The following ATP2C1 variants were observed in gnomAD, a reference collection of about 807,000 sequenced individuals.
ATP2C1 encodes calcium-transporting ATPase type 2C member 1.
ATP2C1 carries 31 observed loss-of-function variants against 120.5 expected under a neutral mutation model. The ratio of observed to expected loss-of-function variants is 0.26; its 90% CI spans 0.19 to 0.35. ATP2C1 has a LOEUF of 0.35. Among genes scored for constraint, ATP2C1 ranks in the 10% least tolerant of loss-of-function variants. The pLI, the probability that ATP2C1 is intolerant of heterozygous loss-of-function variation, is 1.00. For missense variants in ATP2C1, 731 were observed against 1,107.5 expected, an observed-to-expected ratio of 0.66 and a Z score of 4.83; for synonymous variants, 351 against 358.7, an observed-to-expected ratio of 0.98 and a Z score of 0.24.
chr3:130,995,937 G>A lies in ATP2C1; in HGVS notation c.2058-106G>A, dbSNP rs1015446079. ...TGGGATTACAGGCATGAGCCACAGT[G>A]CCCGGTTGGAAATTTATTTTCAAAA... On this transcript the variant is annotated intron_variant, in intron 22 of 27. Transcript: ENST00000510168. The A allele has an allele frequency of 1.0e-4, 84 of 815,068 alleles. No individual in the cohort carries two copies. The Admixed American group carries it at 1.5e-3, about 15-fold the overall frequency. The allele number at this position is 815,068 out of a possible 1,614,324, so 50.5% of individuals were successfully genotyped here.
At chr3:130,853,404 T>C (rs892983528) in intron 1 of ATP2C1, among the ~76,000 whole-genome samples, 19 of 152,234 alleles carry the variant, frequency 1.2e-4, no homozygotes, top group Non-Finnish European at 2.6e-4. Flanking sequence ...TTGAATGTAG[T>C]GTCTGCATGC....
chr3:130,920,972 G>A (rs999783184), intron 2 of ATP2C1, among the ~76,000 whole-genome samples: 1 of 151,430 alleles, frequency 6.6e-6, no homozygotes, highest in Middle Eastern at 3.4e-3. Flanking sequence ...GATAGTTAGT[G>A]TATGGAAACA....
At chr3:130,945,316 C>G (rs145200370) in intron 8 of ATP2C1, among the ~76,000 whole-genome samples, 1 of 152,170 alleles carries the variant, frequency 6.6e-6, no homozygotes, top group Non-Finnish European at 1.5e-5. Flanking sequence ...ATCTTATTGA[C>G]TATGTATGCC....
intron 26 of ATP2C1, 29 bp from the exon 27 acceptor site, chr3:130,999,489 A>G (rs1304065691): frequency 8.7e-6 from 14 of 1,612,332 alleles, no homozygotes; most frequent in Non-Finnish European, 1.2e-5. Flanking sequence ...ACCAAGGAGT[A>G]ATAAATGAAC....
At chr3:130,865,439 G>A (rs1347607706) in intron 1 of ATP2C1, among the ~76,000 whole-genome samples, 1 of 152,182 alleles carries the variant, frequency 6.6e-6, no homozygotes, top group Non-Finnish European at 1.5e-5. Flanking sequence ...TTGGGGGACT[G>A]TTGGGAGGGC....
intron 14 of ATP2C1, among the ~76,000 whole-genome samples, chr3:130,965,504 G>C (rs7627637): frequency 6.6e-6 from 1 of 151,982 alleles, no homozygotes; most frequent in Non-Finnish European, 1.5e-5. Context: ...TACTCCAATG[G>C]TTTTCCATTG....
At chr3:130,850,791 G>A in exon 1 of ATP2C1, 1 of 1,114,764 alleles carries the variant, frequency 9.0e-7, no homozygotes, top group South Asian at 1.9e-5. Context: ...ACAAGGAGGT[G>A]CAGACAAGGA....
chr3:130,963,956 A>G lies in ATP2C1; in HGVS notation c.900-15A>G, dbSNP rs1195834734. 5.6e-6 allele frequency: 9 copies of G among 1,612,070 alleles called. No homozygotes were observed. The highest frequency in any genetic ancestry group is 6.8e-6 in the Non-Finnish European group (8 of 1,178,584). On this transcript the variant is annotated splice_polypyrimidine_tract_variant and intron_variant, in intron 12 of 27. Coordinates refer to ENST00000510168, the MANE Select transcript of ATP2C1 (RefSeq NM_001378687.1). ...TTTAACCTACATTTTAATACTTTGT[A>G]TATGTTGGTTATAGTTTGGCTGTAG...
At chr3:131,013,684 TTTTAAAAC>T (rs2063434139) in intron 26 of ATP2C1, among the ~76,000 whole-genome samples, 1 of 152,204 alleles carries the variant, frequency 6.6e-6, no homozygotes. Context: ...AGGAAACTGT[TTTTAAAAC>T]TTTTTGAAAT....
chr3:130,913,147 G>A (rs989858809), intron 2 of ATP2C1, among the ~76,000 whole-genome samples: 2 of 149,578 alleles, frequency 1.3e-5, no homozygotes, highest in Non-Finnish European at 3.0e-5. Flanking sequence ...CCTAATGCTA[G>A]ATGACGAGTT....
At chr3:130,904,390 A>G (rs1234518029) in intron 2 of ATP2C1, among the ~76,000 whole-genome samples, 2 of 151,872 alleles carry the variant, frequency 1.3e-5, no homozygotes, top group African/African-American at 4.8e-5. Flanking sequence ...ACACTTTTGA[A>G]GAGTACTGTT....
intron 8 of ATP2C1, among the ~76,000 whole-genome samples, chr3:130,950,620 CAGAT>C (rs1285031845): frequency 6.6e-6 from 1 of 152,098 alleles, no homozygotes; most frequent in Non-Finnish European, 1.5e-5. Context: ...TCGTATTCAA[CAGAT>C]AGTTGAAATC....
rs1327982160 is a variant in ATP2C1 at position 130,894,648 on chromosome 3, A to G, written c.-122A>G. 2.5e-6 allele frequency: 4 copies of G among 1,606,208 alleles called. No individual in the cohort carries two copies. The highest frequency in any genetic ancestry group is 3.4e-6 in the Non-Finnish European group (4 of 1,175,212). ...GGACGCGTGGCCGGGAGCGGGGGTG[A>G]CAGCCTGGGATTCCGGGGGCTTCTC... On this transcript the variant is annotated 5_prime_UTR_variant, in exon 2 of 28. Transcript: ENST00000510168. The surrounding 1 kb of genome is among the most constrained non-coding windows in gnomAD (Gnocchi z 4.5).
At chr3:130,969,839 G>C (rs1347073638) in intron 17 of ATP2C1, among the ~76,000 whole-genome samples, 3 of 152,202 alleles carry the variant, frequency 2.0e-5, no homozygotes, top group Non-Finnish European at 4.4e-5. Flanking sequence ...TGTCATTCAT[G>C]TTGATTACTC....
chr3:131,016,027 G>GTT, intron 26 of ATP2C1: 1 of 1,226,332 alleles, frequency 8.2e-7, no homozygotes, highest in Non-Finnish European at 1.1e-6. Context: ...ATTAAGATTA[G>GTT]TTTTTTTTTG....
chr3:130,874,388 T>G (rs892810571), intron 1 of ATP2C1, among the ~76,000 whole-genome samples: 1 of 152,252 alleles, frequency 6.6e-6, no homozygotes, highest in Non-Finnish European at 1.5e-5. Context: ...CATCTTATTC[T>G]GTAACTTCCT....
chr3:130,873,897 G>A (rs2068514415), intron 1 of ATP2C1, among the ~76,000 whole-genome samples: 1 of 152,062 alleles, frequency 6.6e-6, no homozygotes, highest in Admixed American at 6.6e-5. Flanking sequence ...AGATCACAAG[G>A]TCAGGAGTTC....
intron 7 of ATP2C1, among the ~76,000 whole-genome samples, chr3:130,941,177 G>C (rs1032723101): frequency 6.6e-6 from 1 of 151,824 alleles, no homozygotes; most frequent in African/African-American, 2.4e-5. Context: ...GCCTCCCAAA[G>C]TGTTGGGATT....
chr3:130,967,216 C>G lies in ATP2C1; in HGVS notation c.1194C>G (p.Asn398Lys). ...GTGATGTTGTTCATGGATTCTATAA[C>G]CCAGCTGTTAGCAGAATTGTTGAGG... The part of the protein sequence containing the change: ...VDGDVVHGFY[N>K]PAVSRIVEAG... The change falls in exon 15 of 28, where the codon AAC (asparagine) becomes AAG (lysine). Residue 398 changes from asparagine to lysine, a missense_variant. By Grantham distance (94) the Asn-to-Lys change is moderately conservative (BLOSUM62 0). Coordinates refer to ENST00000510168, the MANE Select transcript of ATP2C1 (RefSeq NM_001378687.1). 2 of 1,613,628 alleles carry G rather than the reference C, an allele frequency of 1.2e-6. No homozygotes were observed. The highest frequency in any genetic ancestry group is 8.5e-7 in the Non-Finnish European group (1 of 1,179,682).
Sources: allele counts gnomAD v4.1 joint callset (sites outside exome capture counted in the v4.1 genomes callset), GRCh38; gene constraint gnomAD v4.1.1; non-coding constraint Gnocchi (gnomAD v3.1); transcripts MANE v1.5; gene names NCBI Gene and HGNC (gene_info 2026-07-23, HGNC 2026-07-21).